The following KAT2A variants were observed in gnomAD, a reference collection of about 807,000 sequenced individuals.
KAT2A encodes the protein histone acetyltransferase KAT2A.
In KAT2A, 42 loss-of-function variants were observed where a neutral mutation model predicts 95.2. The ratio of observed to expected loss-of-function variants is 0.44; its 90% CI spans 0.34 to 0.57. KAT2A has a LOEUF of 0.57. Among genes scored for constraint, KAT2A ranks in the 20% least tolerant of loss-of-function variants. The probability of loss-of-function intolerance (pLI) is 0.01; values close to 1 mark genes in which losing one functional copy is unlikely to be tolerated. For missense variants in KAT2A, 784 were observed against 1,126.3 expected, an observed-to-expected ratio of 0.70 and a Z score of 4.35; for synonymous variants, 449 against 448.2, an observed-to-expected ratio of 1.00 and a Z score of -0.02.
chr17:42,118,084 A>G, intron 7 of KAT2A, 67 bp from the exon 8 acceptor site: 1 of 872,990 alleles, frequency 1.1e-6, no homozygotes, highest in Non-Finnish European at 1.7e-6. Context: ...GAAGTCAGGG[A>G]CGGGGGCTGA....
intron 6 of KAT2A, chr17:42,118,914 T>C: frequency 1.4e-6 from 1 of 697,304 alleles, no homozygotes; most frequent in Non-Finnish European, 1.9e-6. Context: ...TTGGTTTCAC[T>C]TCAAGCTTAA....
At chr17:42,118,148 A>C in intron 7 of KAT2A, 131 bp from the exon 8 acceptor site, 1 of 733,294 alleles carries the variant, frequency 1.4e-6, no homozygotes, top group Non-Finnish European at 2.2e-6. Context: ...GGAGAGAGAG[A>C]GAGAAGGCAG....
intron 12 of KAT2A, among the ~76,000 whole-genome samples, chr17:42,115,356 C>A (rs539983713): frequency 4.0e-4 from 50 of 126,422 alleles, no homozygotes; most frequent in African/African-American, 1.5e-3. Flanking sequence ...TGCTCTTGGC[C>A]CCCAGTTCCT....
chr17:42,115,893 T>G (rs2054251283), intron 11 of KAT2A, 60 bp from the exon 12 acceptor site: 1 of 938,162 alleles, frequency 1.1e-6, no homozygotes, highest in Non-Finnish European at 1.8e-6. Flanking sequence ...GCTGGAGAGG[T>G]CTCAGAGACC....
At position 42,114,113 on chromosome 17, in the gene KAT2A, C is replaced by T; in HGVS notation, c.2236-29G>A. On this transcript the variant is annotated intron_variant, in intron 16 of 17. Transcript: ENST00000225916. The surrounding 1 kb of genome is among the most constrained non-coding windows in gnomAD (Gnocchi z 6.0). ...GAGAGAAGAGCCGGGCTGGGGACAG[C>T]CCTGCTGCGCCCACGCCAGCCCGAG... 1 of 1,562,874 alleles carries T rather than the reference C, an allele frequency of 6.4e-7. No individual in the cohort carries two copies. The highest frequency in any genetic ancestry group is 1.2e-5 in the South Asian group (1 of 84,870).
rs1555665196 is a variant in KAT2A, at chr17:42,113,768, G to A, written c.2395C>T (p.Arg799Trp). 4 of 1,610,204 alleles carry A rather than the reference G, an allele frequency of 2.5e-6. No individual in the cohort carries two copies. Among genetic ancestry groups the A allele is most frequent in the Non-Finnish European group, 2.5e-6 (3 of 1,178,728 alleles). ...TRKLFVADLQRVIANCREYNP... is the reference protein window; with the variant it reads ...TRKLFVADLQWVIANCREYNP... ...TACTCGCGACAGTTGGCGATGACCC[G>A]CTGCAGGTCGGCCACAAAGAGCTTC... The change falls in exon 18 of 18, where the codon CGG becomes TGG. Residue 799 changes from arginine to tryptophan, a missense_variant. Physicochemically the swap from Arg to Trp is moderately radical, Grantham distance 101 (BLOSUM62 -3). Transcript: ENST00000225916.
chr17:42,117,025 C>CCG lies in KAT2A; in HGVS notation c.1764+8_1764+9dup, dbSNP rs782151699. On this transcript the variant is annotated intron_variant, in intron 11 of 17. Coordinates refer to ENST00000225916, the MANE Select transcript of KAT2A (RefSeq NM_021078.3). This position sits in a 1 kb window ranked among gnomAD's most constrained non-coding sequence, Gnocchi z 8.9. ...GTGGACTGGGGCTGGGGCCGGGGAG[C>CCG]CGCGCTCACCTTGACCTGCTCATTC... 6.2e-7 allele frequency: 1 copy of CCG among 1,613,334 alleles called. No individual in the cohort carries two copies. Among genetic ancestry groups the CCG allele is most frequent in the African/African-American group, 1.3e-5 (1 of 74,948 alleles).
In KAT2A at chr17:42,114,524, C is replaced by G. The variant is rs374750553; in HGVS notation, c.2100G>C (p.Val700=). The stretch of plus-strand genomic sequence containing the variant: ...GAACGCTCTCCACAGGGATCTGCCT[C>G]ACGCCCTCCTTGAAGCAGCTGAGCC... ...YPGLSCFKEG[V]RQIPVESVPG... Residue 700 remains valine (V), a synonymous_variant, in exon 14 of 18, where the codon GTG becomes GTC. Transcript: ENST00000225916. The surrounding 1 kb of genome is among the most constrained non-coding windows in gnomAD (Gnocchi z 6.0). The G allele has an allele frequency of 3.2e-5, 52 of 1,614,154 alleles. No homozygotes were observed. The highest frequency in any genetic ancestry group is 4.3e-5 in the Non-Finnish European group (51 of 1,180,002).
In KAT2A at chr17:42,113,802, G is replaced by A. The variant is rs782054077; in HGVS notation, c.2361C>T (p.Tyr787=). 1.2e-5 allele frequency: 20 copies of A among 1,602,902 alleles called. No homozygotes were observed. Among genetic ancestry groups the A allele is most frequent in the African/African-American group, 9.5e-5 (7 of 73,926 alleles). Residue 787 remains tyrosine, a synonymous_variant, in exon 18 of 18, where the codon TAC becomes TAT. Transcript: ENST00000225916. ...CGGCCACAAAGAGCTTCCGGGTCAC[G>A]TAGTAGCGGCTTCGCAGCCGCTCAG... ...TMTERLRSRY[Y]VTRKLFVADL... is the part of the protein sequence containing the mutation.
chr17:42,116,016 G>T (rs544420696), intron 11 of KAT2A, among the ~76,000 whole-genome samples, 183 bp from the exon 12 acceptor site: 129 of 152,342 alleles, frequency 8.5e-4, no homozygotes, highest in Middle Eastern at 3.4e-3. Flanking sequence ...AGTGAAGGGT[G>T]CGGGCTTTCT....
At chr17:42,120,150 G>T in intron 3 of KAT2A, 31 bp from the exon 4 acceptor site, 1 of 1,613,490 alleles carries the variant, frequency 6.2e-7, no homozygotes, top group Non-Finnish European at 8.5e-7. Context: ...GCATAGAGGG[G>T]AGGGGGGCAG....
chr17:42,120,786 G>C lies in KAT2A; in HGVS notation c.383C>G (p.Pro128Arg), dbSNP rs1555667128. ...CKCNGWKNPK[P>R]PTAPRMDLQQ... ...CAGATCCATGCGGGGTGCAGTGGGGGGCTTGGGGTTTTTCCAGCCATTACA... is the reference window on the plus strand; with the variant it reads ...CAGATCCATGCGGGGTGCAGTGGGGCGCTTGGGGTTTTTCCAGCCATTACA... The change falls in exon 2 of 18, where the codon CCC becomes CGC. Residue 128 changes from proline (P) to arginine (R), a missense_variant. Transcript: ENST00000225916. The C allele has an allele frequency of 6.2e-7, 1 of 1,613,816 alleles. No homozygotes were observed. Among genetic ancestry groups the C allele is most frequent in the East Asian group, 2.2e-5 (1 of 44,876 alleles).
At chr17:42,115,914 G>A (rs138764680) in intron 11 of KAT2A, 81 bp from the exon 12 acceptor site, 10 of 823,746 alleles carry the variant, frequency 1.2e-5, no homozygotes, top group Middle Eastern at 4.4e-4. Flanking sequence ...AGAGAAGAGC[G>A]GGTAGATTGG....
intron 11 of KAT2A, among the ~76,000 whole-genome samples, chr17:42,116,129 C>A (rs1202397777): frequency 1.3e-5 from 2 of 152,198 alleles, no homozygotes; most frequent in Non-Finnish European, 2.9e-5. Context: ...GAAGAGAAAA[C>A]CGAAACTCAG....
rs914881460 is a variant in KAT2A, at chr17:42,120,206, T to C, written c.609+19A>G. 1 of 1,614,110 alleles carries C rather than the reference T, an allele frequency of 6.2e-7. No individual in the cohort carries two copies. The highest frequency in any genetic ancestry group is 1.1e-5 in the South Asian group (1 of 91,082). ...GGCCCCACCTCCTTCACTCACACCC[T>C]CCTTTAGTGGAAGCTCACCTTGAAG... On this transcript the variant is annotated intron_variant, in intron 3 of 17. Transcript: ENST00000225916.
chr17:42,118,478 G>A lies in KAT2A; in HGVS notation c.1074-75C>T, dbSNP rs1432971947. ...CCTGGGCCAGGCAGCAGAGGGACTG[G>A]AGGCTGGTCAGAGACAGACCCTGCT... On this transcript the variant is annotated intron_variant, in intron 6 of 17. Transcript: ENST00000225916. 7.6e-6 allele frequency: 8 copies of A among 1,052,686 alleles called. No individual in the cohort carries two copies. The Admixed American group carries it at 1.0e-4, about 14-fold the overall frequency. The allele number at this position is 1,052,686 out of a possible 1,614,324, so 65.2% of individuals were successfully genotyped here. A position where few individuals can be genotyped will look rare whatever the true frequency, so the allele number is the denominator to read the frequency against.
chr17:42,119,562 C>A lies in KAT2A; in HGVS notation c.856G>T (p.Ala286Ser), dbSNP rs1198866692. 6.2e-7 allele frequency: 1 copy of A among 1,602,028 alleles called. No individual in the cohort carries two copies. The highest frequency in any genetic ancestry group is 8.5e-7 in the Non-Finnish European group (1 of 1,173,640). Residue 286 changes from alanine to serine, a missense_variant, in exon 5 of 18, where the codon GCT (alanine) becomes TCT (serine). Transcript: ENST00000225916. The surrounding 1 kb of genome is among the most constrained non-coding windows in gnomAD (Gnocchi z 5.3). ...CTGGTGTAATTGACCTTGTAGGTAGCCACGTCCTCAGCCTGAGACCTCTGC... is the reference window on the plus strand; with the variant it reads ...CTGGTGTAATTGACCTTGTAGGTAGACACGTCCTCAGCCTGAGACCTCTGC... ...FRQRSQAEDV[A>S]TYKVNYTRWL...
chr17:42,120,583 C>T (rs2054322095), intron 2 of KAT2A, 123 bp downstream of exon 2: 3 of 1,381,874 alleles, frequency 2.2e-6, no homozygotes, highest in Non-Finnish European at 3.0e-6. Flanking sequence ...CACCCCCCCC[C>T]AACCCAATCC....
intron 12 of KAT2A, 130 bp downstream of exon 12, chr17:42,115,593 G>C: frequency 1.5e-6 from 1 of 685,760 alleles, no homozygotes; most frequent in South Asian, 1.6e-5. Flanking sequence ...GATAGGCATG[G>C]AGACTCTCCT....
Sources: allele counts gnomAD v4.1 joint callset (sites outside exome capture counted in the v4.1 genomes callset), GRCh38; gene constraint gnomAD v4.1.1; non-coding constraint Gnocchi (gnomAD v3.1); transcripts MANE v1.5; gene names NCBI Gene and HGNC (gene_info 2026-07-23, HGNC 2026-07-21).